The following RABGEF1 variants were observed in gnomAD, a reference collection of about 807,000 sequenced individuals.
The protein encoded by RABGEF1 is rab5 GDP/GTP exchange factor.
Under a neutral mutation model 57.3 loss-of-function variants are expected in RABGEF1, and 26 were observed. The ratio of observed to expected loss-of-function variants is 0.45; its 90% CI spans 0.33 to 0.63. The LOEUF is 0.63. Ranked by LOEUF, RABGEF1 falls within the 20% of genes least tolerant of loss-of-function variation. The pLI is 0.02. For synonymous variants in RABGEF1, 185 were observed against 210.7 expected, an observed-to-expected ratio of 0.88 and a Z score of 1.06; for missense variants, 464 against 607.6, an observed-to-expected ratio of 0.76 and a Z score of 2.48.
rs1789340113 is a variant in RABGEF1, at chr7:66,810,758, G to A, written c.*1474G>A. 6.6e-6 allele frequency: 1 copy of A among 152,240 alleles called. No individual in the cohort carries two copies. Among genetic ancestry groups the A allele is most frequent in the African/African-American group, 2.4e-5 (1 of 41,466 alleles). The allele number at this position is 152,240 out of a possible 1,614,324, so 9.4% of individuals were successfully genotyped here. A position where few individuals can be genotyped will look rare whatever the true frequency, so the allele number is the denominator to read the frequency against. ...TTCTAGAACAACGTCACTTCACACAGGCAGCTGAGAAAGGTTCTCTTGCTT... is the reference window on the plus strand; with the variant it reads ...TTCTAGAACAACGTCACTTCACACAAGCAGCTGAGAAAGGTTCTCTTGCTT... On this transcript the variant is annotated 3_prime_UTR_variant, in exon 9 of 9. Transcript: ENST00000284957.
chr7:66,739,499 C>CA (rs566857503), upstream of RABGEF1, among the ~76,000 whole-genome samples: 1,394 of 141,344 alleles, frequency 9.9e-3, 22 homozygotes, highest in South Asian at 0.069. Context: ...ACTAAAAATA[C>CA]AAAAAAAAAA....
chr7:66,715,872 G>A (rs768562302), intron 2 of RABGEF1, among the ~76,000 whole-genome samples: 77 of 152,200 alleles, frequency 5.1e-4, no homozygotes, highest in South Asian at 1.5e-3. Context: ...TTGTGCCTCC[G>A]CCTCCTGAAT....
intron 2 of RABGEF1, chr7:66,774,043 C>T (rs1562829671): frequency 1.0e-5 from 3 of 291,042 alleles, no homozygotes; most frequent in East Asian, 1.2e-4. Flanking sequence ...TATTATTCTC[C>T]GCATTCTGAA....
At chr7:66,729,783 C>A (rs1346873174) in intron 2 of RABGEF1, among the ~76,000 whole-genome samples, 1 of 152,198 alleles carries the variant, frequency 6.6e-6, no homozygotes, top group African/African-American at 2.4e-5. Flanking sequence ...ATGGATGTGG[C>A]CAGGTTGCAG....
upstream of RABGEF1, among the ~76,000 whole-genome samples, chr7:66,678,873 G>A (rs535056793): frequency 2.6e-5 from 4 of 152,266 alleles, no homozygotes; most frequent in South Asian, 8.3e-4. Flanking sequence ...CAGAATTACA[G>A]GTAAAGATGG....
chr7:66,658,463 C>T, the RABGEF1 span, among the ~76,000 whole-genome samples: 7 of 143,366 alleles, frequency 4.9e-5, no homozygotes, highest in Admixed American at 2.2e-4. Flanking sequence ...AACTGGGAGG[C>T]GGAAGTTGCA....
intron 4 of RABGEF1, among the ~76,000 whole-genome samples, chr7:66,789,105 G>C (rs914631702): frequency 6.6e-6 from 1 of 152,156 alleles, no homozygotes; most frequent in Admixed American, 6.5e-5. Context: ...AGAAAGATAA[G>C]TGTCCTCCTA....
intron 1 of RABGEF1, among the ~76,000 whole-genome samples, chr7:66,709,330 G>T (rs770208876): frequency 6.6e-6 from 1 of 152,134 alleles, no homozygotes; most frequent in East Asian, 1.9e-4. Flanking sequence ...ATCTGTAATT[G>T]TTTTTTAAAC....
intron 1 of RABGEF1, among the ~76,000 whole-genome samples, chr7:66,748,343 A>C (rs1206491134): frequency 1.3e-5 from 2 of 152,202 alleles, no homozygotes; most frequent in Non-Finnish European, 2.9e-5. Flanking sequence ...GGTGGATTGC[A>C]CATTCTTCAC....
chr7:66,806,396 A>G (rs1584298708), intron 8 of RABGEF1, among the ~76,000 whole-genome samples: 2 of 151,976 alleles, frequency 1.3e-5, no homozygotes, highest in African/African-American at 4.8e-5. Context: ...GGTTCCTCCA[A>G]ACTTGGACCT....
At chr7:66,662,611 A>G in the RABGEF1 span, among the ~76,000 whole-genome samples, 2 of 152,090 alleles carry the variant, frequency 1.3e-5, no homozygotes, top group African/African-American at 2.4e-5. Flanking sequence ...CCACAAATCA[A>G]CTGATCTTCA....
chr7:66,698,299 A>G (rs1792670178), intron 1 of RABGEF1, among the ~76,000 whole-genome samples: 2 of 152,196 alleles, frequency 1.3e-5, no homozygotes, highest in Non-Finnish European at 2.9e-5. Context: ...GTTCCCAGCC[A>G]GAGCTCTACC....
At chr7:66,691,624 C>G (rs1364356201) in intron 1 of RABGEF1, among the ~76,000 whole-genome samples, 1 of 151,992 alleles carries the variant, frequency 6.6e-6, no homozygotes, top group African/African-American at 2.4e-5. Context: ...CCCATAAAAC[C>G]CTCCTGTTTT....
At chr7:66,675,322 C>T in the RABGEF1 span, among the ~76,000 whole-genome samples, 2 of 151,936 alleles carry the variant, frequency 1.3e-5, no homozygotes, top group Non-Finnish European at 2.9e-5. Context: ...CCCAGCTATT[C>T]GGGGGGCCGA....
intron 4 of RABGEF1, among the ~76,000 whole-genome samples, chr7:66,793,346 T>G (rs1813176901): frequency 6.6e-6 from 1 of 152,244 alleles, no homozygotes; most frequent in South Asian, 2.1e-4. Context: ...TACCACATTT[T>G]AAGCAGTTTT....
At chr7:66,657,402 G>T in the RABGEF1 span, among the ~76,000 whole-genome samples, 1 of 152,190 alleles carries the variant, frequency 6.6e-6, no homozygotes. Flanking sequence ...GGTTGGAGAT[G>T]AAATCATACA....
At chr7:66,720,194 A>ATT (rs58442880) in intron 2 of RABGEF1, among the ~76,000 whole-genome samples, 2 of 134,330 alleles carry the variant, frequency 1.5e-5, no homozygotes, top group African/African-American at 5.7e-5. Flanking sequence ...TATTATTATT[A>ATT]TTTTTTTTTT....
intron 1 of RABGEF1, chr7:66,755,979 CATT>C (rs1355766755): frequency 1.8e-6 from 2 of 1,097,590 alleles, no homozygotes; most frequent in Non-Finnish European, 2.5e-6. Flanking sequence ...ATTTTGGAAG[CATT>C]ATATTTAATC....
At chr7:66,764,558 C>T (rs764496663) in intron 1 of RABGEF1, among the ~76,000 whole-genome samples, 1 of 152,180 alleles carries the variant, frequency 6.6e-6, no homozygotes, top group African/African-American at 2.4e-5. Context: ...TTTACCTCTA[C>T]ATTTTCTTCT....
Sources: gnomAD v4.1 joint callset for allele counts (sites outside exome capture counted in the v4.1 genomes callset) on GRCh38, gnomAD v4.1.1 for gene constraint, MANE v1.5 for transcripts, NCBI Gene and HGNC (gene_info 2026-07-23, HGNC 2026-07-21) for gene names.